The following PCBP3 variants were observed in gnomAD, a reference collection of about 807,000 sequenced individuals.
The protein encoded by PCBP3 is poly(rC) binding protein 3, also known as poly(rC)-binding protein 3.
PCBP3 carries 25 observed loss-of-function variants against 52.7 expected under a neutral mutation model. The observed-to-expected ratio is 0.47, with a 90% CI of 0.35 to 0.66. The LOEUF is 0.66. PCBP3 is among the 30% of genes least tolerant of loss of function. The pLI, the probability that PCBP3 is intolerant of heterozygous loss-of-function variation, is 0.01. For synonymous variants in PCBP3, 162 were observed against 183.0 expected, an observed-to-expected ratio of 0.89 and a Z score of 0.93; for missense variants, 391 against 490.3, an observed-to-expected ratio of 0.80 and a Z score of 1.91.
At chr21:45,807,763 A>AC (rs952369847) in intron 4 of PCBP3, among the ~76,000 whole-genome samples, 11 of 151,932 alleles carry the variant, frequency 7.2e-5, no homozygotes, top group African/African-American at 2.7e-4. Context: ...ACAAAACAAA[A>AC]AAAAAACCTG....
chr21:45,743,434 G>GT (rs902299185), intron 3 of PCBP3, among the ~76,000 whole-genome samples: 2 of 152,102 alleles, frequency 1.3e-5, no homozygotes, highest in Non-Finnish European at 2.9e-5. Context: ...AATCAAAAAA[G>GT]TTGCATTTCA....
rs1223830728 is a variant in PCBP3 at position 45,827,671 on chromosome 21, T to A, written c.-125-22290T>A. ...ACACTGTGATGTATGCAGTTTTATG[T>A]ACATCAGTTACATCTCAGCCAAGCT... On this transcript the variant is annotated intron_variant, in intron 4 of 17. Coordinates refer to ENST00000681687, the MANE Select transcript of PCBP3 (RefSeq NM_001384156.1). This position sits in a 1 kb window ranked among gnomAD's most constrained non-coding sequence, Gnocchi z 4.3. Among the ~76,000 whole-genome samples, 1 of 152,198 alleles carries A rather than the reference T, an allele frequency of 6.6e-6. No individual in the cohort carries two copies. The highest frequency in any genetic ancestry group is 2.4e-5 in the African/African-American group (1 of 41,442).
At chr21:45,891,028 G>C (rs1055560468) in intron 5 of PCBP3, among the ~76,000 whole-genome samples, 51 of 151,684 alleles carry the variant, frequency 3.4e-4, no homozygotes, top group Admixed American at 6.5e-4. Flanking sequence ...TTGCTGAGGG[G>C]AATGTAGATA....
At chr21:45,790,481 T>A (rs970580338) in intron 4 of PCBP3, among the ~76,000 whole-genome samples, 2 of 152,108 alleles carry the variant, frequency 1.3e-5, no homozygotes, top group Non-Finnish European at 2.9e-5. Flanking sequence ...GACTTGTGCC[T>A]GTGGACTTGT....
chr21:45,894,380 G>A (rs1033913160), intron 5 of PCBP3, among the ~76,000 whole-genome samples: 1 of 152,114 alleles, frequency 6.6e-6, no homozygotes, highest in Non-Finnish European at 1.5e-5. Context: ...TTAATTAAAA[G>A]GGAGGCACAG....
At chr21:45,867,763 C>T (rs762501448) in intron 5 of PCBP3, among the ~76,000 whole-genome samples, 16 of 152,272 alleles carry the variant, frequency 1.1e-4, no homozygotes, top group Admixed American at 5.9e-4. Context: ...GAAGACTCGC[C>T]CTCCTGGACG....
chr21:45,927,017 G>A (rs1051627768), intron 13 of PCBP3, among the ~76,000 whole-genome samples: 18 of 152,100 alleles, frequency 1.2e-4, no homozygotes, highest in South Asian at 1.0e-3. Flanking sequence ...AAACATGGGC[G>A]AATGACAGAA....
intron 2 of PCBP3, among the ~76,000 whole-genome samples, chr21:45,703,913 G>A (rs1348035311): frequency 6.6e-6 from 1 of 152,162 alleles, no homozygotes; most frequent in African/African-American, 2.4e-5. Context: ...GTTGCAGTTT[G>A]GACATGTCCT....
chr21:45,890,780 A>T (rs147425147), intron 5 of PCBP3, among the ~76,000 whole-genome samples: 1 of 151,220 alleles, frequency 6.6e-6, no homozygotes, highest in Non-Finnish European at 1.5e-5. Flanking sequence ...ATGGGAATGT[A>T]GATAATAGAA....
chr21:45,723,515 G>A (rs139192123), intron 2 of PCBP3, among the ~76,000 whole-genome samples: 18 of 152,282 alleles, frequency 1.2e-4, no homozygotes, highest in African/African-American at 1.9e-4. Flanking sequence ...AAATCATTTC[G>A]TAAATCATTA....
At chr21:45,820,448 A>G (rs2839005) in intron 4 of PCBP3, among the ~76,000 whole-genome samples, 26,035 of 152,254 alleles carry the variant, frequency 0.17, 2,355 homozygotes, top group Middle Eastern at 0.3. Flanking sequence ...CTGTTCTCCC[A>G]CAATCCTTGT....
rs1320353162 is a variant in PCBP3 at position 45,904,408 on chromosome 21, G to T, written c.339+3295G>T. ...GGAGTTTTCATCTTTTGGTCCTTTG[G>T]TTTTTCCAGAAGACTGTGGATGCTC... On this transcript the variant is annotated intron_variant, in intron 9 of 17. Coordinates refer to ENST00000681687, the MANE Select transcript of PCBP3 (RefSeq NM_001384156.1). The surrounding 1 kb of genome is among the most constrained non-coding windows in gnomAD (Gnocchi z 4.8). Among the ~76,000 whole-genome samples, 1 of 152,146 alleles carries T rather than the reference G, an allele frequency of 6.6e-6. No homozygotes were observed. The highest frequency in any genetic ancestry group is 6.6e-5 in the Admixed American group (1 of 15,266).
chr21:45,911,250 T>C (rs2096386256), intron 11 of PCBP3: 1 of 634,628 alleles, frequency 1.6e-6, no homozygotes, highest in African/African-American at 1.8e-5. Context: ...CGTGGGGGCG[T>C]CTAGGGGAGA....
At chr21:45,844,917 A>G (rs948163246) in intron 4 of PCBP3, among the ~76,000 whole-genome samples, 1 of 150,724 alleles carries the variant, frequency 6.6e-6, no homozygotes, top group Non-Finnish European at 1.5e-5. Flanking sequence ...TGCTTTATTT[A>G]TATATATAGT....
Position 45,742,959 on chromosome 21 carries a change from T to C in PCBP3, c.-162+7530T>C, listed in dbSNP as rs539675067. Among the ~76,000 whole-genome samples, 5 of 152,332 alleles carry C rather than the reference T, an allele frequency of 3.3e-5. No homozygotes were observed. In the East Asian group the frequency reaches 7.7e-4, roughly 23 times the overall value. ...TTTCAAGTTTAAAAAGTTAATCATA[T>C]TGAGGTTTCTTTTCAAATGGATCAG... On this transcript the variant is annotated intron_variant, in intron 3 of 17. Transcript: ENST00000681687.
At chr21:45,729,715 T>G (rs2085315298) in intron 2 of PCBP3, among the ~76,000 whole-genome samples, 1 of 152,216 alleles carries the variant, frequency 6.6e-6, no homozygotes, top group Admixed American at 6.5e-5. Context: ...TCTTGGTCAG[T>G]GCAACTAGAT....
chr21:45,815,680 GGTGA>G (rs1164482191), intron 4 of PCBP3, among the ~76,000 whole-genome samples: 34 of 81,278 alleles, frequency 4.2e-4, no homozygotes, highest in Non-Finnish European at 7.3e-4. Flanking sequence ...ATGAGTGAGT[GGTGA>G]GTGAGTGGTG....
rs2093121175 is a variant in PCBP3 at position 45,821,076 on chromosome 21, T to C, written c.-125-28885T>C. 6.6e-6 allele frequency among the ~76,000 whole-genome samples: 1 copy of C among 152,228 alleles called. No homozygotes were observed. Among genetic ancestry groups the C allele is most frequent in the Non-Finnish European group, 1.5e-5 (1 of 68,040 alleles). On this transcript the variant is annotated intron_variant, in intron 4 of 17. Coordinates refer to ENST00000681687, the MANE Select transcript of PCBP3 (RefSeq NM_001384156.1). This position sits in a 1 kb window ranked among gnomAD's most constrained non-coding sequence, Gnocchi z 4.4. ...TCTTGCAGAGCCAGCGAGCCTGGCGTTGTGACCTGGGCTAACTTGGTACCT... is the reference window on the plus strand; with the variant it reads ...TCTTGCAGAGCCAGCGAGCCTGGCGCTGTGACCTGGGCTAACTTGGTACCT...
At chr21:45,695,499 T>C (rs1228814310) in intron 2 of PCBP3, among the ~76,000 whole-genome samples, 1 of 152,196 alleles carries the variant, frequency 6.6e-6, no homozygotes, top group Non-Finnish European at 1.5e-5. Context: ...AGCCATGCCC[T>C]CTGTAACAAT....
Sources: gnomAD v4.1 joint callset for allele counts (sites outside exome capture counted in the v4.1 genomes callset) on GRCh38, gnomAD v4.1.1 for gene constraint, Gnocchi (gnomAD v3.1) non-coding constraint, MANE v1.5 for transcripts, NCBI Gene and HGNC (gene_info 2026-07-23, HGNC 2026-07-21) for gene names.